Variants in RUNX3 observed in about 807,000 individuals in gnomAD.
The protein encoded by RUNX3 is runt-related transcription factor 3.
RUNX3 carries 10 observed loss-of-function variants against 27.7 expected under a neutral mutation model. The ratio of observed to expected loss-of-function variants is 0.36; its 90% CI spans 0.22 to 0.61. The LOEUF is 0.61. Among genes scored for constraint, RUNX3 ranks in the 20% least tolerant of loss-of-function variants. The pLI, the probability that RUNX3 is intolerant of heterozygous loss-of-function variation, is 0.72. For synonymous variants in RUNX3, 270 were observed against 269.2 expected, an observed-to-expected ratio of 1.00 and a Z score of -0.03; for missense variants, 469 against 629.5, an observed-to-expected ratio of 0.75 and a Z score of 2.73.
Position 24,927,796 on chromosome 1 carries a change from G to T in RUNX3, c.283-66C>A. 1.4e-6 allele frequency: 2 copies of T among 1,471,294 alleles called. No homozygotes were observed. Among genetic ancestry groups the T allele is most frequent in the Non-Finnish European group, 1.9e-6 (2 of 1,052,594 alleles). 91.1% of individuals were successfully genotyped at this position (1,471,294 alleles called of 1,614,324 possible). A position where few individuals can be genotyped will look rare whatever the true frequency, so the allele number is the denominator to read the frequency against. On this transcript the variant is annotated intron_variant, in intron 1 of 4. Coordinates refer to ENST00000308873, the MANE Select transcript of RUNX3 (RefSeq NM_004350.3). The surrounding 1 kb of genome is among the most constrained non-coding windows in gnomAD (Gnocchi z 5.0). ...AAAGGAAGAGGGTGACCAGGGAAAGGAGGGGAGGGGCTGGGCTGGGCAGCT... is the reference window on the plus strand; with the variant it reads ...AAAGGAAGAGGGTGACCAGGGAAAGTAGGGGAGGGGCTGGGCTGGGCAGCT...
intron 2 of RUNX3, among the ~76,000 whole-genome samples, chr1:24,925,191 T>C: frequency 6.6e-6 from 1 of 152,122 alleles, no homozygotes; most frequent in East Asian, 1.9e-4. Context: ...CAGGTGGGAA[T>C]TTCCCAGTCA....
intron 2 of RUNX3, among the ~76,000 whole-genome samples, chr1:24,948,373 A>G (rs1333100829): frequency 2.0e-5 from 3 of 152,146 alleles, no homozygotes; most frequent in African/African-American, 4.8e-5. Context: ...TCACATGCAC[A>G]TGGTGGGGGT....
Position 24,916,834 on chromosome 1 carries a change from G to A in RUNX3, c.544+2406C>T, listed in dbSNP as rs888451352. On this transcript the variant is annotated intron_variant, in intron 3 of 4. Coordinates refer to ENST00000308873, the MANE Select transcript of RUNX3 (RefSeq NM_004350.3). The surrounding 1 kb of genome is among the most constrained non-coding windows in gnomAD (Gnocchi z 4.8). ...AGGGAGGTCACCTGTCTCAGGTGGT[G>A]CAGCAAGCCTGGCTTCTGACGCCGT... Among the ~76,000 whole-genome samples the A allele has an allele frequency of 3.2e-4, 48 of 152,172 alleles. No homozygotes were observed. Among genetic ancestry groups the A allele is most frequent in the African/African-American group, 1.1e-3 (44 of 41,418 alleles).
chr1:24,947,769 CT>C (rs2124352612), intron 2 of RUNX3, among the ~76,000 whole-genome samples: 1 of 152,346 alleles, frequency 6.6e-6, no homozygotes, highest in East Asian at 1.9e-4. Context: ...TCCCTGAATC[CT>C]TCTGGAGCTC....
intron 2 of RUNX3, among the ~76,000 whole-genome samples, chr1:24,948,468 C>A (rs1027506101): frequency 1.8e-4 from 28 of 152,278 alleles, no homozygotes; most frequent in Non-Finnish European, 3.2e-4. Context: ...GAGGCCCCAG[C>A]ACACCCGCAG....
intron 3 of RUNX3, among the ~76,000 whole-genome samples, chr1:24,908,888 C>T (rs919685049): frequency 2.0e-5 from 3 of 152,230 alleles, no homozygotes; most frequent in Non-Finnish European, 4.4e-5. Flanking sequence ...ATGCCTTCTT[C>T]TCTCTGGGCC....
At chr1:24,938,346 T>C (rs2124330349) in intron 2 of RUNX3, among the ~76,000 whole-genome samples, 1 of 152,322 alleles carries the variant, frequency 6.6e-6, no homozygotes, top group South Asian at 2.1e-4. Context: ...TTTCCGCATC[T>C]AATAGCTGGG....
At chr1:24,911,910 G>C (rs1640804387) in intron 3 of RUNX3, among the ~76,000 whole-genome samples, 1 of 152,244 alleles carries the variant, frequency 6.6e-6, no homozygotes, top group South Asian at 2.1e-4. Flanking sequence ...CTTCCCGGAG[G>C]AGGGGAGTCC....
Position 24,902,475 on chromosome 1 carries a change from C to A in RUNX3, c.895G>T (p.Ala299Ser). 3 of 1,600,202 alleles carry A rather than the reference C, an allele frequency of 1.9e-6. No individual in the cohort carries two copies. Among genetic ancestry groups the A allele is most frequent in the Non-Finnish European group, 2.6e-6 (3 of 1,170,218 alleles). ...TAGGTATGGTGGAAGCGGCTGGTGG[C>A]CGGCATGCCCGCCACGCTGAGGCTG... ...ISSLSVAGMP[A>S]TSRFHHTYLP... Residue 299 changes from alanine to serine, a missense_variant, in exon 5 of 5, where the codon GCC becomes TCC. This residue lies in a region of RUNX3 where 279 missense variants were observed against 343.0 expected (regional missense o/e 0.81). Transcript: ENST00000308873. The surrounding 1 kb of genome is among the most constrained non-coding windows in gnomAD (Gnocchi z 9.2).
At chr1:24,931,748 A>G (rs1475694291), upstream of RUNX3, among the ~76,000 whole-genome samples, 1 of 152,192 alleles carries the variant, frequency 6.6e-6, no homozygotes, top group Non-Finnish European at 1.5e-5. Context: ...CCAGGGGCGA[A>G]GGACTCTGGA....
intron 3 of RUNX3, among the ~76,000 whole-genome samples, chr1:24,914,265 G>T (rs566166179): frequency 6.6e-6 from 1 of 152,320 alleles, no homozygotes; most frequent in South Asian, 2.1e-4. Flanking sequence ...GGGCTCCAAT[G>T]ACCAGGCCCG....
chr1:24,941,247 G>A (rs1448989803), intron 2 of RUNX3, among the ~76,000 whole-genome samples: 1 of 152,152 alleles, frequency 6.6e-6, no homozygotes, highest in Non-Finnish European at 1.5e-5. Context: ...TGGCCGACCA[G>A]TAGCCCTTCA....
At chr1:24,925,823 C>A (rs902807797) in intron 2 of RUNX3, among the ~76,000 whole-genome samples, 26 of 152,258 alleles carry the variant, frequency 1.7e-4, no homozygotes, top group African/African-American at 5.8e-4. Context: ...GAGCCACAGT[C>A]CCAGCCTCGG....
At chr1:24,924,624 C>T (rs1475483324) in intron 2 of RUNX3, among the ~76,000 whole-genome samples, 1 of 152,140 alleles carries the variant, frequency 6.6e-6, no homozygotes, top group Non-Finnish European at 1.5e-5. Context: ...GCATGGAGGG[C>T]ATTCGTCCAC....
upstream of RUNX3, among the ~76,000 whole-genome samples, chr1:24,931,750 G>A (rs919467427): frequency 3.9e-5 from 6 of 152,130 alleles, no homozygotes; most frequent in African/African-American, 1.4e-4. Flanking sequence ...AGGGGCGAAG[G>A]ACTCTGGACT....
chr1:24,947,797 G>A (rs1030682114), intron 2 of RUNX3, among the ~76,000 whole-genome samples: 4 of 152,320 alleles, frequency 2.6e-5, no homozygotes, highest in African/African-American at 7.2e-5. Context: ...GATCACAGCC[G>A]GAGCTGGCAG....
chr1:24,951,274 G>A (rs1322201906), intron 2 of RUNX3, among the ~76,000 whole-genome samples: 1 of 150,724 alleles, frequency 6.6e-6, no homozygotes, highest in South Asian at 2.1e-4. Flanking sequence ...CTCTTTCCCT[G>A]CATGTGTTGC....
intron 4 of RUNX3, among the ~76,000 whole-genome samples, chr1:24,907,013 C>T (rs891653080): frequency 6.6e-6 from 1 of 152,200 alleles, no homozygotes; most frequent in Non-Finnish European, 1.5e-5. Context: ...TATGCAGATC[C>T]CTGGGGCCAG....
chr1:24,949,368 C>T (rs1293203), intron 2 of RUNX3, among the ~76,000 whole-genome samples: 36,974 of 152,126 alleles, frequency 0.24, 5,573 homozygotes, highest in Non-Finnish European at 0.34. Context: ...CAGCCATGCC[C>T]CGCCCCCCGT....
Sources: allele counts gnomAD v4.1 joint callset (sites outside exome capture counted in the v4.1 genomes callset), GRCh38; gene constraint gnomAD v4.1.1; regional missense constraint gnomAD v4.1.1; non-coding constraint Gnocchi (gnomAD v3.1); transcripts MANE v1.5; gene names NCBI Gene and HGNC (gene_info 2026-07-23, HGNC 2026-07-21).